The following PDPN variants were observed in gnomAD, a reference collection of about 807,000 sequenced individuals.
PDPN encodes PA2.26 antigen.
In PDPN, 12 loss-of-function variants were observed where a neutral mutation model predicts 23.2. The observed-to-expected ratio is 0.52, with a 90% CI of 0.33 to 0.84. The LOEUF (loss-of-function observed/expected upper bound fraction) is 0.84. Ranked by LOEUF, PDPN falls within the 40% of genes least tolerant of loss-of-function variation. The pLI is 0.02. For synonymous variants in PDPN, 77 were observed against 76.7 expected (o/e 1.00, Z -0.02); for missense variants, 199 against 212.2 (o/e 0.94, Z 0.39).
chr1:13,608,267 T>C, intron 2 of PDPN, among the ~76,000 whole-genome samples: 1 of 151,494 alleles, frequency 6.6e-6, no homozygotes, highest in East Asian at 2.1e-4. Context: ...TAACTCCTCA[T>C]ATGTGTTACA....
chr1:13,585,408 G>T, intron 1 of PDPN: 1 of 1,069,456 alleles, frequency 9.4e-7, no homozygotes, highest in South Asian at 1.6e-5. Context: ...CCTATCTTTG[G>T]AACTTCTCTT....
chr1:13,604,159 T>TAGGCGTGTGTGCGTGC (rs1174030050), intron 1 of PDPN, among the ~76,000 whole-genome samples: 1 of 152,208 alleles, frequency 6.6e-6, no homozygotes, highest in African/African-American at 2.4e-5. Context: ...TGTGTGTGTG[T>TAGGCGTGTGTGCGTGC]ATGCGTGTGT....
At chr1:13,586,950 C>T (rs761362038) in intron 1 of PDPN, among the ~76,000 whole-genome samples, 1 of 152,264 alleles carries the variant, frequency 6.6e-6, no homozygotes, top group South Asian at 2.1e-4. Context: ...TACTTGGAGG[C>T]TGAGGCGGAA....
chr1:13,603,678 C>G (rs985884835), intron 1 of PDPN, among the ~76,000 whole-genome samples: 3 of 151,842 alleles, frequency 2.0e-5, no homozygotes, highest in Non-Finnish European at 4.4e-5. Flanking sequence ...AACCTCCGCC[C>G]CCCGAGTTCA....
Position 13,601,322 on chromosome 1 carries a change from T to C in PDPN, c.68-5851T>C, listed in dbSNP as rs530485458. Among the ~76,000 whole-genome samples, 20 of 152,316 alleles carry C rather than the reference T, an allele frequency of 1.3e-4. 1 individual carries two copies. The East Asian group carries it at 3.9e-3, about 29-fold the overall frequency. ...TTGGCAGTGTCCAGGCCACTTAAGC[T>C]GGGCCTTGTGCTAAGTTTCTCCTGT... On this transcript the variant is annotated intron_variant, in intron 1 of 5. Coordinates refer to ENST00000621990, the MANE Select transcript of PDPN (RefSeq NM_006474.5).
intron 1 of PDPN, among the ~76,000 whole-genome samples, chr1:13,591,317 C>G (rs1640338590): frequency 6.6e-6 from 1 of 152,194 alleles, no homozygotes; most frequent in East Asian, 1.9e-4. Flanking sequence ...TCACCTCTTA[C>G]AGCACTCATG....
At chr1:13,615,403 C>T (rs1351033497) in intron 5 of PDPN, among the ~76,000 whole-genome samples, 2 of 151,758 alleles carry the variant, frequency 1.3e-5, no homozygotes, top group African/African-American at 4.8e-5. Flanking sequence ...CCCCTGCCTC[C>T]GCCTCTCAAG....
In PDPN at chr1:13,607,120, G is replaced by A. The variant is rs1437176107; in HGVS notation, c.68-53G>A. The A allele has an allele frequency of 1.1e-5, 17 of 1,559,040 alleles. No individual in the cohort carries two copies. In the Admixed American group the frequency reaches 3.3e-4, roughly 30 times the overall value. On this transcript the variant is annotated intron_variant, in intron 1 of 5. Transcript: ENST00000621990. Reference sequence around the variant, plus strand: ...TAATCCGAATGTAGCCGACAAGTTGGGTCTGCTTATGCAATTTCCACCTTA... The same window carrying A: ...TAATCCGAATGTAGCCGACAAGTTGAGTCTGCTTATGCAATTTCCACCTTA...
intron 3 of PDPN, among the ~76,000 whole-genome samples, chr1:13,612,110 C>CCCCTTCCTGTCACAAAAAAATTGT (rs1189897903): frequency 3.3e-5 from 3 of 89,858 alleles, no homozygotes; most frequent in Admixed American, 1.4e-4. Context: ...CACAAAATTG[C>CCCCTTCCTGTCACAAAAAAATTGT]CCCTTCCTGT....
intron 2 of PDPN, 115 bp downstream of exon 2, chr1:13,607,421 A>G (rs113450369): frequency 2.3e-5 from 16 of 689,034 alleles, no homozygotes; most frequent in African/African-American, 2.2e-4. Context: ...AATCAGCATG[A>G]GCCACCATAC....
rs752960079 is a variant in PDPN at position 13,607,256 on chromosome 1, G to A, written c.151G>A (p.Val51Met). 1.2e-5 allele frequency: 20 copies of A among 1,614,170 alleles called. No homozygotes were observed. Among genetic ancestry groups the A allele is most frequent in the Non-Finnish European group, 1.7e-5 (20 of 1,179,992 alleles). Residue 51 changes from valine (V) to methionine (M), a missense_variant, in exon 2 of 6, where the codon GTG (valine) becomes ATG (methionine). By Grantham distance (21) the Val-to-Met change is conservative. Transcript: ENST00000621990. Reference protein sequence around the residue: ...VAMPGAEDDVVTPGTSEDRYK... With the variant: ...VAMPGAEDDVMTPGTSEDRYK... ...CATGCCAGGTGCCGAAGATGATGTGGTGACTCCAGGAACCAGCGAAGACCG... is the reference window on the plus strand; with the variant it reads ...CATGCCAGGTGCCGAAGATGATGTGATGACTCCAGGAACCAGCGAAGACCG...
In PDPN at chr1:13,583,846, C is replaced by A; in HGVS notation, c.-188C>A. 1 of 1,579,214 alleles carries A rather than the reference C, an allele frequency of 6.3e-7. No homozygotes were observed. The highest frequency in any genetic ancestry group is 8.6e-7 in the Non-Finnish European group (1 of 1,163,684). ...GGAAAGTTCTCAACTGCAAAGTTTG[C>A]TGTCCGGCTGCCTAGGGTCTGGGAA... is the stretch of plus-strand genomic sequence containing the variant. On this transcript the variant is annotated 5_prime_UTR_variant, in exon 1 of 6. In the 5' UTR this introduces an upstream ATG that the reference lacks. Transcript: ENST00000621990.
At chr1:13,608,784 A>ACTCC (rs1640859803) in intron 2 of PDPN, among the ~76,000 whole-genome samples, 1 of 152,200 alleles carries the variant, frequency 6.6e-6, no homozygotes, top group Non-Finnish European at 1.5e-5. Flanking sequence ...GTTTGTCCCT[A>ACTCC]CTACTGTGTC....
chr1:13,617,682 A>G lies in PDPN; in HGVS notation c.*1771A>G, dbSNP rs1641112601. On this transcript the variant is annotated 3_prime_UTR_variant, in exon 6 of 6. Transcript: ENST00000621990. ...CACTGCGCTCGGCCTCAGATTCCAT[A>G]TTTGAACACCAGCTGATTGAGAGAA... is the stretch of plus-strand genomic sequence containing the variant. 6.6e-6 allele frequency: 1 copy of G among 152,440 alleles called. No homozygotes were observed. 9.4% of individuals were successfully genotyped at this position (152,440 alleles called of 1,614,324 possible).
At position 13,606,094 on chromosome 1, in the gene PDPN, A is replaced by AT. The variant is rs200665928; in HGVS notation, c.68-1075dup. Among the ~76,000 whole-genome samples the AT allele has an allele frequency of 1.4e-4, 22 of 151,914 alleles. No individual in the cohort carries two copies. The East Asian group carries it at 2.7e-3, about 19-fold the overall frequency. ...AACCCCTGCTTCCTGGATTCAAGCA[A>AT]TTTTCCTGCCTCAGCCTCCTGAGTA... On this transcript the variant is annotated intron_variant, in intron 1 of 5. Coordinates refer to ENST00000621990, the MANE Select transcript of PDPN (RefSeq NM_006474.5).
intron 1 of PDPN, among the ~76,000 whole-genome samples, chr1:13,600,754 TA>T: frequency 6.6e-6 from 1 of 152,132 alleles, no homozygotes; most frequent in East Asian, 1.9e-4. Flanking sequence ...ACCCCTGTAA[TA>T]AGGGGCATTG....
chr1:13,600,600 G>A (rs1148456), intron 1 of PDPN, among the ~76,000 whole-genome samples: 11,621 of 152,162 alleles, frequency 0.076, 523 homozygotes, highest in East Asian at 0.24. Context: ...CCCGACCTCA[G>A]GTCATCCACC....
At chr1:13,603,540 C>T (rs1229007580) in intron 1 of PDPN, among the ~76,000 whole-genome samples, 1 of 151,284 alleles carries the variant, frequency 6.6e-6, no homozygotes, top group Non-Finnish European at 1.5e-5. Flanking sequence ...CCCCAAGTGA[C>T]AGTTGATTTA....
chr1:13,594,394 G>C (rs1640432765), intron 1 of PDPN, among the ~76,000 whole-genome samples: 1 of 152,202 alleles, frequency 6.6e-6, no homozygotes, highest in South Asian at 2.1e-4. Flanking sequence ...AGGTGAACCT[G>C]CAGGTGCCCT....
Sources: gnomAD v4.1 joint callset for allele counts (sites outside exome capture counted in the v4.1 genomes callset) on GRCh38, gnomAD v4.1.1 for gene constraint, MANE v1.5 for transcripts, NCBI Gene and HGNC (gene_info 2026-07-23, HGNC 2026-07-21) for gene names.